The following TXK variants were observed in gnomAD, a reference collection of about 807,000 sequenced individuals.
TXK encodes the protein TXK tyrosine kinase.
A neutral mutation model predicts 81.0 loss-of-function variants in TXK; 60 were observed. The observed-to-expected ratio is 0.74, with a 90% CI of 0.60 to 0.92. TXK has a LOEUF of 0.92. Ranked by LOEUF, TXK falls within the 40% of genes least tolerant of loss-of-function variation. The pLI, the probability that TXK is intolerant of heterozygous loss-of-function variation, is 0.00. For synonymous variants in TXK, 203 were observed against 210.7 expected, an observed-to-expected ratio of 0.96 and a Z score of 0.32; for missense variants, 581 against 638.3, an observed-to-expected ratio of 0.91 and a Z score of 0.97.
chr4:48,120,968 CTT>C (rs1287638864), intron 1 of TXK, among the ~76,000 whole-genome samples: 1 of 152,210 alleles, frequency 6.6e-6, no homozygotes, highest in Non-Finnish European at 1.5e-5. Context: ...GAACCTCTCT[CTT>C]GGCAGCATTG....
At chr4:48,114,708 A>G (rs1421848164) in intron 1 of TXK, among the ~76,000 whole-genome samples, 1 of 152,260 alleles carries the variant, frequency 6.6e-6, no homozygotes, top group Non-Finnish European at 1.5e-5. Flanking sequence ...TCGCTAACAA[A>G]TATACAAGAG....
chr4:48,103,243 G>A (rs1718273642), intron 6 of TXK, among the ~76,000 whole-genome samples: 3 of 152,224 alleles, frequency 2.0e-5, no homozygotes, highest in Admixed American at 2.0e-4. Flanking sequence ...TGACCAGTGT[G>A]ATAACTGTGG....
intron 11 of TXK, among the ~76,000 whole-genome samples, chr4:48,078,338 A>G (rs1258191282): frequency 6.6e-6 from 1 of 152,214 alleles, no homozygotes; most frequent in African/African-American, 2.4e-5. Context: ...GCTGGGGCCA[A>G]TGTAATTATG....
chr4:48,122,011 C>T (rs1181452729), intron 1 of TXK, among the ~76,000 whole-genome samples: 1 of 152,164 alleles, frequency 6.6e-6, no homozygotes, highest in South Asian at 2.1e-4. Flanking sequence ...TCATCCATCA[C>T]CACCATGGAT....
At chr4:48,089,588 C>G in intron 9 of TXK, 162 bp downstream of exon 9, 1 of 511,666 alleles carries the variant, frequency 2.0e-6, no homozygotes, top group Non-Finnish European at 3.7e-6. Flanking sequence ...GACGGGGTAT[C>G]ACCATTTTGG....
chr4:48,096,024 G>C (rs1717966108), intron 6 of TXK, among the ~76,000 whole-genome samples: 1 of 152,194 alleles, frequency 6.6e-6, no homozygotes, highest in Non-Finnish European at 1.5e-5. Flanking sequence ...CACTTATAAA[G>C]TGCTGGTATT....
chr4:48,113,394 G>C, intron 2 of TXK, 85 bp from the exon 3 acceptor site: 2 of 1,044,044 alleles, frequency 1.9e-6, no homozygotes, highest in Non-Finnish European at 2.8e-6. Context: ...AGAAATAGCA[G>C]AAAAATCCAG....
intron 6 of TXK, among the ~76,000 whole-genome samples, chr4:48,101,552 CTTATGACAAG>C (rs1235392464): frequency 6.6e-6 from 1 of 151,498 alleles, no homozygotes; most frequent in Non-Finnish European, 1.5e-5. Flanking sequence ...TTTTAAATGC[CTTATGACAAG>C]TAGGATTTAA....
At position 48,085,488 on chromosome 4, in the gene TXK, C is replaced by G. The variant is rs116041998; in HGVS notation, c.956+978G>C. Among the ~76,000 whole-genome samples the G allele has an allele frequency of 3.9e-3, 599 of 152,226 alleles. 4 individuals carry two copies. Among genetic ancestry groups the G allele is most frequent in the African/African-American group, 0.013 (560 of 41,536 alleles). ...GCTTGTCACTGATACCAACAGGAGG[C>G]AGGGAAATACTAGGTAGAAGCGGGC... On this transcript the variant is annotated intron_variant, in intron 10 of 14. Transcript: ENST00000264316.
At chr4:48,122,663 C>T (rs1718989507) in intron 1 of TXK, among the ~76,000 whole-genome samples, 1 of 152,204 alleles carries the variant, frequency 6.6e-6, no homozygotes, top group African/African-American at 2.4e-5. Context: ...GAAGCTACAA[C>T]ACTTTTTGAC....
intron 1 of TXK, among the ~76,000 whole-genome samples, chr4:48,123,680 C>T (rs1719013599): frequency 6.6e-6 from 1 of 152,314 alleles, no homozygotes; most frequent in East Asian, 1.9e-4. Context: ...TTACTCCTTA[C>T]CAACAAAGGG....
chr4:48,095,473 A>AT (rs1389162657), intron 6 of TXK, among the ~76,000 whole-genome samples: 1 of 152,166 alleles, frequency 6.6e-6, no homozygotes, highest in Non-Finnish European at 1.5e-5. Context: ...ACTGTTACTG[A>AT]TTTTTCTAAG....
Position 48,104,892 on chromosome 4 carries a change from T to C in TXK, c.501+9A>G, listed in dbSNP as rs376474041. 2.5e-5 allele frequency: 40 copies of C among 1,585,894 alleles called. No individual in the cohort carries two copies. In the African/African-American group the frequency reaches 4.2e-4, roughly 17 times the overall value. The stretch of plus-strand genomic sequence containing the variant: ...GATTTTGAAAATGTCCACAAATACA[T>C]TGAATTACCTCTTGTCTCAATAGAT... On this transcript the variant is annotated intron_variant, in intron 6 of 14. Transcript: ENST00000264316.
chr4:48,077,907 G>A (rs3857073), intron 11 of TXK, among the ~76,000 whole-genome samples: 145,644 of 152,234 alleles, frequency 0.96, 70,004 homozygotes, highest in East Asian at 1. Flanking sequence ...AGTAAAAAAC[G>A]GAGACAATAT....
At position 48,110,586 on chromosome 4, in the gene TXK, G is replaced by C. The variant is rs1274480668; in HGVS notation, c.398C>G (p.Pro133Arg). Residue 133 changes from proline (P) to arginine (R), a missense_variant, in exon 5 of 15, where the codon CCA becomes CGA. Coordinates refer to ENST00000264316, the MANE Select transcript of TXK (RefSeq NM_003328.3). Reference sequence around the variant, plus strand: ...TTTGTTTTCAGTCACATAGTTGCTTGGGATTAAGCCTTCATTCCTACAACA... The same window carrying C: ...TTTGTTTTCAGTCACATAGTTGCTTCGGATTAAGCCTTCATTCCTACAACA... ...RDRLGNEGLI[P>R]SNYVTENKIT... is the part of the protein sequence containing the mutation. 6.2e-7 allele frequency: 1 copy of C among 1,611,980 alleles called. No homozygotes were observed. Among genetic ancestry groups the C allele is most frequent in the Non-Finnish European group, 8.5e-7 (1 of 1,178,744 alleles).
intron 14 of TXK, among the ~76,000 whole-genome samples, chr4:48,071,064 T>C (rs1716830616): frequency 6.6e-6 from 1 of 151,492 alleles, no homozygotes; most frequent in South Asian, 2.1e-4. Flanking sequence ...CACGCCCGGC[T>C]AATTTTTGTA....
At position 48,095,029 on chromosome 4, in the gene TXK, C is replaced by T. The variant is rs1717929614; in HGVS notation, c.581+114G>A. On this transcript the variant is annotated intron_variant, in intron 7 of 14. Transcript: ENST00000264316. ...ATATATCACGGACTGGTTGGTTTTTCTAACTTCCAGGTCAACAATCTTTTC... is the reference window on the plus strand; with the variant it reads ...ATATATCACGGACTGGTTGGTTTTTTTAACTTCCAGGTCAACAATCTTTTC... The T allele has an allele frequency of 4.4e-6, 4 of 898,958 alleles. No individual in the cohort carries two copies. The East Asian group carries it at 7.6e-5, about 17-fold the overall frequency. The allele number at this position is 898,958 out of a possible 1,614,324, so 55.7% of individuals were successfully genotyped here.
chr4:48,126,675 G>A (rs1452464448), intron 1 of TXK, among the ~76,000 whole-genome samples: 1 of 148,398 alleles, frequency 6.7e-6, no homozygotes, highest in Non-Finnish European at 1.5e-5. Context: ...TAATTTTTTT[G>A]GTATTTTTAG....
intron 6 of TXK, among the ~76,000 whole-genome samples, chr4:48,100,297 C>T (rs1361538375): frequency 6.6e-6 from 1 of 151,974 alleles, no homozygotes; most frequent in Non-Finnish European, 1.5e-5. Flanking sequence ...GGAAATAATG[C>T]CACATGTCAC....
Sources: allele counts gnomAD v4.1 joint callset (sites outside exome capture counted in the v4.1 genomes callset), GRCh38; gene constraint gnomAD v4.1.1; transcripts MANE v1.5; gene names NCBI Gene and HGNC (gene_info 2026-07-23, HGNC 2026-07-21).